The following DPYD variants were observed in gnomAD, a reference collection of about 807,000 sequenced individuals.
DPYD encodes the protein dihydropyrimidine dehydrogenase [NADP(+)].
Under a neutral mutation model 116.2 loss-of-function variants are expected in DPYD, and 109 were observed. The observed-to-expected ratio is 0.94, with a 90% confidence interval of 0.80 to 1.10. DPYD has a LOEUF of 1.10. Among genes scored for constraint, DPYD ranks in the 50% least tolerant of loss-of-function variants. The pLI is 0.00. For missense variants in DPYD, 1,302 were observed against 1,254.5 expected (o/e 1.04, Z -0.57); for synonymous variants, 440 against 432.0 (o/e 1.02, Z -0.23).
At chr1:97,624,887 C>T (rs185911477) in intron 8 of DPYD, among the ~76,000 whole-genome samples, 62 of 152,064 alleles carry the variant, frequency 4.1e-4, no homozygotes, top group African/African-American at 1.5e-3. Context: ...CATGTTCTCA[C>T]TTGGATGTCG....
At chr1:97,896,082 CT>C (rs1313376134) in intron 1 of DPYD, among the ~76,000 whole-genome samples, 2 of 151,660 alleles carry the variant, frequency 1.3e-5, no homozygotes, top group Admixed American at 1.3e-4. Flanking sequence ...AACTTGGCAT[CT>C]TTTTTGGGTC....
intron 10 of DPYD, among the ~76,000 whole-genome samples, chr1:97,591,106 T>G (rs1027530585): frequency 1.3e-5 from 2 of 151,236 alleles, no homozygotes; most frequent in African/African-American, 4.8e-5. Context: ...TAGCTTGCCA[T>G]GGAATGTTTA....
At chr1:97,557,759 A>G (rs1430608974) in intron 11 of DPYD, among the ~76,000 whole-genome samples, 1 of 152,210 alleles carries the variant, frequency 6.6e-6, no homozygotes, top group African/African-American at 2.4e-5. Flanking sequence ...TACTTCTTAC[A>G]TTCCATTAAC....
At chr1:97,847,960 T>C (rs1670386242) in intron 2 of DPYD, among the ~76,000 whole-genome samples, 1 of 152,222 alleles carries the variant, frequency 6.6e-6, no homozygotes, top group Non-Finnish European at 1.5e-5. Flanking sequence ...AAGCACATGA[T>C]TGTTTTATAT....
At chr1:97,151,214 T>C (rs140132212) in intron 20 of DPYD, among the ~76,000 whole-genome samples, 63 of 152,352 alleles carry the variant, frequency 4.1e-4, no homozygotes, top group African/African-American at 1.5e-3. Flanking sequence ...TATTTACATA[T>C]ACCTTACTGT....
At chr1:97,406,323 A>G (rs1175315019) in intron 14 of DPYD, among the ~76,000 whole-genome samples, 4 of 142,668 alleles carry the variant, frequency 2.8e-5, no homozygotes, top group African/African-American at 1.0e-4. Context: ...TTTTAAGTAT[A>G]TCTTATTTAT....
chr1:97,411,717 C>A lies in DPYD; in HGVS notation c.1906-29256G>T, dbSNP rs546844750. ...ACATCATAGGGTTTAATCTTCATTA[C>A]AAATTTCAGTTCAAAATGTTTCTTC... is the stretch of plus-strand genomic sequence containing the variant. On this transcript the variant is annotated intron_variant, in intron 14 of 22. Transcript: ENST00000370192. Among the ~76,000 whole-genome samples, 12 of 152,256 alleles carry A rather than the reference C, an allele frequency of 7.9e-5. No homozygotes were observed. In the East Asian group the frequency reaches 2.3e-3, roughly 29 times the overall value.
chr1:97,361,399 T>C (rs574686598), intron 16 of DPYD, among the ~76,000 whole-genome samples: 1 of 152,338 alleles, frequency 6.6e-6, no homozygotes, highest in African/African-American at 2.4e-5. Context: ...ATACCATTCC[T>C]TCTGAAACTA....
At chr1:97,208,135 T>C (rs1659775573) in intron 19 of DPYD, among the ~76,000 whole-genome samples, 1 of 152,048 alleles carries the variant, frequency 6.6e-6, no homozygotes, top group Admixed American at 6.6e-5. Flanking sequence ...AGAGCAATTG[T>C]TTTTGTTTTT....
chr1:97,167,561 A>C (rs978736343), intron 20 of DPYD, among the ~76,000 whole-genome samples: 2 of 152,202 alleles, frequency 1.3e-5, no homozygotes, highest in Non-Finnish European at 2.9e-5. Flanking sequence ...AATTGTGTGA[A>C]GAGTCATTTT....
chr1:97,357,216 T>C (rs896806623), intron 16 of DPYD, among the ~76,000 whole-genome samples: 1 of 152,202 alleles, frequency 6.6e-6, no homozygotes, highest in Admixed American at 6.5e-5. Flanking sequence ...GTTTTTAGTA[T>C]ATGGGTAAGT....
At chr1:97,284,085 A>C (rs1665503073) in intron 18 of DPYD, among the ~76,000 whole-genome samples, 1 of 152,138 alleles carries the variant, frequency 6.6e-6, no homozygotes, top group East Asian at 1.9e-4. Flanking sequence ...TTAACTCTTC[A>C]CATTTCCTAG....
At chr1:97,299,189 T>C (rs1019323189) in intron 18 of DPYD, among the ~76,000 whole-genome samples, 1 of 152,152 alleles carries the variant, frequency 6.6e-6, no homozygotes, top group Non-Finnish European at 1.5e-5. Flanking sequence ...AATATTTAAA[T>C]TCAAGCTCAA....
At chr1:97,406,961 A>G (rs1374878757) in intron 14 of DPYD, among the ~76,000 whole-genome samples, 1 of 152,186 alleles carries the variant, frequency 6.6e-6, no homozygotes, top group Non-Finnish European at 1.5e-5. Context: ...AGGTCATGAT[A>G]TAGTACCTGC....
intron 8 of DPYD, among the ~76,000 whole-genome samples, chr1:97,647,247 TA>T (rs1246554141): frequency 6.6e-6 from 1 of 152,068 alleles, no homozygotes; most frequent in East Asian, 1.9e-4. Flanking sequence ...TTTCCACCAA[TA>T]AAAATTTAAA....
Position 97,601,533 on chromosome 1 carries a change from T to C in DPYD, c.851-6367A>G, listed in dbSNP as rs371140031. ...TATTCCTGATTCAAGCCCAAGCAGT[T>C]GAGATTACAATATGGAAGTAAAATA... On this transcript the variant is annotated intron_variant, in intron 8 of 22. Transcript: ENST00000370192. Among the ~76,000 whole-genome samples, 16 of 152,130 alleles carry C rather than the reference T, an allele frequency of 1.1e-4. No homozygotes were observed. In the East Asian group the frequency reaches 2.9e-3, roughly 28 times the overall value.
chr1:97,907,350 A>G (rs1673688961), intron 1 of DPYD, among the ~76,000 whole-genome samples: 1 of 152,072 alleles, frequency 6.6e-6, no homozygotes, highest in Non-Finnish European at 1.5e-5. Context: ...AGGACTGTGC[A>G]TATCTGGAAG....
intron 3 of DPYD, among the ~76,000 whole-genome samples, chr1:97,824,303 C>T (rs1371976018): frequency 6.6e-6 from 1 of 152,084 alleles, no homozygotes; most frequent in Non-Finnish European, 1.5e-5. Context: ...GTAAGTGTAT[C>T]TATGTGTGAT....
intron 13 of DPYD, among the ~76,000 whole-genome samples, chr1:97,488,857 A>C (rs569158071): frequency 6.6e-6 from 1 of 152,244 alleles, no homozygotes; most frequent in Non-Finnish European, 1.5e-5. Context: ...GATGTAATCA[A>C]AAGTGGGTAT....
Sources: gnomAD v4.1 joint callset for allele counts (sites outside exome capture counted in the v4.1 genomes callset) on GRCh38, gnomAD v4.1.1 for gene constraint, MANE v1.5 for transcripts, NCBI Gene and HGNC (gene_info 2026-07-23, HGNC 2026-07-21) for gene names.